The following HTRA4 variants were observed in gnomAD, a reference collection of about 807,000 sequenced individuals.
HTRA4 encodes the protein serine protease HTRA4.
HTRA4 carries 46 observed loss-of-function variants against 49.1 expected under a neutral mutation model. The ratio of observed to expected loss-of-function variants is 0.94; its 90% CI spans 0.74 to 1.20. HTRA4 has a LOEUF of 1.20. HTRA4 is among the 50% of genes most tolerant of loss of function. The pLI is 0.00. For missense variants in HTRA4, 602 were observed against 636.9 expected, an observed-to-expected ratio of 0.95 and a Z score of 0.59; for synonymous variants, 261 against 264.0, an observed-to-expected ratio of 0.99 and a Z score of 0.11.
At chr8:38,983,262 T>C (rs7829041) in intron 8 of HTRA4, among the ~76,000 whole-genome samples, 122,262 of 152,208 alleles carry the variant, frequency 0.8, 49,279 homozygotes, top group East Asian at 0.95. Context: ...CCAGGCCAGG[T>C]GCAGTGGCTC....
At chr8:38,977,849 A>G in intron 3 of HTRA4, 104 bp from the exon 4 acceptor site, 1 of 1,185,134 alleles carries the variant, frequency 8.4e-7, no homozygotes, top group Non-Finnish European at 1.2e-6. Context: ...CCAAGGTGAT[A>G]GAGACAGCGT....
chr8:38,975,491 C>G (rs182128852), intron 2 of HTRA4, among the ~76,000 whole-genome samples: 306 of 152,332 alleles, frequency 2.0e-3, no homozygotes, highest in Non-Finnish European at 3.5e-3. Context: ...CTCACTGCAG[C>G]TCCATCTGCT....
At chr8:38,976,766 T>A (rs1250947281) in intron 3 of HTRA4, 27 bp downstream of exon 3, 2 of 1,609,510 alleles carry the variant, frequency 1.2e-6, no homozygotes, top group Admixed American at 3.3e-5. Context: ...TGAGTCAGAG[T>A]CTACATATTT....
At position 38,974,672 on chromosome 8, in the gene HTRA4, C is replaced by T. The variant is rs544853849; in HGVS notation, c.409C>T (p.Arg137Cys). The T allele has an allele frequency of 4.3e-6, 6 of 1,401,066 alleles. No homozygotes were observed. Among genetic ancestry groups the T allele is most frequent in the Admixed American group, 3.4e-5 (1 of 29,552 alleles). The allele number at this position is 1,401,066 out of a possible 1,614,324, so 86.8% of individuals were successfully genotyped here. The change falls in exon 1 of 9, where the codon CGC becomes TGC. Residue 137 changes from arginine (R) to cysteine (C), a missense_variant. Transcript: ENST00000302495. ...CALRAENRAA[R>C]RLGKVPAVPV... is the part of the protein sequence containing the mutation. ...GCTCCGGGCCGAAAACCGCGCCGCGCGCCGCCTGGGCAAGGTCCCGGCCGT... is the reference window on the plus strand; with the variant it reads ...GCTCCGGGCCGAAAACCGCGCCGCGTGCCGCCTGGGCAAGGTCCCGGCCGT...
chr8:38,984,931 CA>C (rs552596319), intron 8 of HTRA4, among the ~76,000 whole-genome samples: 4 of 149,132 alleles, frequency 2.7e-5, no homozygotes, highest in South Asian at 2.2e-4. Flanking sequence ...AACAAACAAG[CA>C]AAAAAAAACT....
At chr8:38,985,292 C>A (rs1260362933) in intron 8 of HTRA4, among the ~76,000 whole-genome samples, 1 of 152,066 alleles carries the variant, frequency 6.6e-6, no homozygotes, top group Non-Finnish European at 1.5e-5. Context: ...TCCCGAGGAG[C>A]TGGCACTACA....
intron 7 of HTRA4, 148 bp downstream of exon 7, chr8:38,982,703 T>C: frequency 1.4e-6 from 1 of 713,328 alleles, no homozygotes; most frequent in South Asian, 1.7e-5. Context: ...TGTATCTGCC[T>C]CTGCCTGCAT....
intron 3 of HTRA4, among the ~76,000 whole-genome samples, chr8:38,977,206 G>A (rs969287190): frequency 1.3e-5 from 2 of 151,598 alleles, no homozygotes; most frequent in African/African-American, 4.8e-5. Context: ...AAAGTGCTGG[G>A]ATTACAGGTG....
intron 5 of HTRA4, among the ~76,000 whole-genome samples, chr8:38,980,013 G>A (rs1442809080): frequency 6.6e-6 from 1 of 151,898 alleles, no homozygotes; most frequent in Non-Finnish European, 1.5e-5. Context: ...GCCACAACCA[G>A]CACTCCTGAC....
chr8:38,986,027 AGCTGGGTGTGGTGGCAG>A (rs2129427933), intron 8 of HTRA4, among the ~76,000 whole-genome samples: 1 of 152,296 alleles, frequency 6.6e-6, no homozygotes, highest in Admixed American at 6.5e-5. Context: ...AAACAAAATC[AGCTGGGTGTGGTGGCAG>A]GTGCCTGTAG....
In HTRA4 at chr8:38,980,732, C is replaced by T. The variant is rs113978384; in HGVS notation, c.1000-921C>T. Among the ~76,000 whole-genome samples the T allele has an allele frequency of 1.2e-3, 181 of 147,634 alleles. 1 individual carries two copies. Among genetic ancestry groups the T allele is most frequent in the Middle Eastern group, 3.4e-3 (1 of 290 alleles). ...CAGCCTGGGCAACACAGTGAGACTC[C>T]GTCTCAAAAAGAAAAGAAAAAAAAA... is the stretch of plus-strand genomic sequence containing the variant. On this transcript the variant is annotated intron_variant, in intron 5 of 8. Coordinates refer to ENST00000302495, the MANE Select transcript of HTRA4 (RefSeq NM_153692.4).
intron 3 of HTRA4, among the ~76,000 whole-genome samples, chr8:38,977,049 C>T (rs1369839684): frequency 1.3e-5 from 2 of 152,156 alleles, no homozygotes; most frequent in Non-Finnish European, 2.9e-5. Flanking sequence ...GATTCTCCTG[C>T]CTCAGCTTCC....
At chr8:38,976,446 A>G in intron 2 of HTRA4, 89 bp from the exon 3 acceptor site, 1 of 1,183,900 alleles carries the variant, frequency 8.4e-7, no homozygotes, top group Non-Finnish European at 1.2e-6. Context: ...GGTATGTTTA[A>G]TAAGAGTGAG....
chr8:38,986,957 T>G (rs1162938487), intron 8 of HTRA4, among the ~76,000 whole-genome samples: 1 of 152,252 alleles, frequency 6.6e-6, no homozygotes, highest in African/African-American at 2.4e-5. Flanking sequence ...CTCACAGGAC[T>G]AGTATGAATT....
chr8:38,975,269 T>TG, intron 2 of HTRA4, 139 bp downstream of exon 2: 1 of 808,070 alleles, frequency 1.2e-6, no homozygotes, highest in Non-Finnish European at 2.0e-6. Context: ...GAATAACCTG[T>TG]TCAAGGTCAT....
Position 38,981,786 on chromosome 8 carries a change from T to G in HTRA4, c.1114+19T>G. The G allele has an allele frequency of 6.5e-7, 1 of 1,546,050 alleles. No homozygotes were observed. The highest frequency in any genetic ancestry group is 8.9e-7 in the Non-Finnish European group (1 of 1,125,902). ...ATGAAAGGTAAAGCAAGTTGGGATT[T>G]TTTTTTTTTTGGTTTCGTCTTGTGC... On this transcript the variant is annotated intron_variant, in intron 6 of 8. Coordinates refer to ENST00000302495, the MANE Select transcript of HTRA4 (RefSeq NM_153692.4).
At chr8:38,982,668 C>T in intron 7 of HTRA4, 113 bp downstream of exon 7, 1 of 930,778 alleles carries the variant, frequency 1.1e-6, no homozygotes, top group South Asian at 1.4e-5. Context: ...CTCTTGTGAC[C>T]ATAGGCCCTA....
chr8:38,974,287 C>G lies in HTRA4; in HGVS notation c.24C>G (p.Thr8=). 3.1e-6 allele frequency: 5 copies of G among 1,612,182 alleles called. No individual in the cohort carries two copies. Among genetic ancestry groups the G allele is most frequent in the Non-Finnish European group, 4.2e-6 (5 of 1,179,408 alleles). Residue 8 remains threonine (T), a synonymous_variant, in exon 1 of 9, where the codon ACC becomes ACG. Coordinates refer to ENST00000302495, the MANE Select transcript of HTRA4 (RefSeq NM_153692.4). MIRPQLR[T]AGLGRCLLPG... is the part of the protein sequence containing the mutation. ...GGATGATTAGACCTCAGCTGCGGAC[C>G]GCGGGGCTGGGACGATGCCTCCTGC...
chr8:38,978,203 C>A, intron 4 of HTRA4, 56 bp downstream of exon 4: 1 of 1,468,842 alleles, frequency 6.8e-7, no homozygotes, highest in South Asian at 1.3e-5. Flanking sequence ...AGTACAGGTC[C>A]ATGGCCTGTT....
Sources: allele counts gnomAD v4.1 joint callset (sites outside exome capture counted in the v4.1 genomes callset), GRCh38; gene constraint gnomAD v4.1.1; transcripts MANE v1.5; gene names NCBI Gene and HGNC (gene_info 2026-07-23, HGNC 2026-07-21).